The following NRCAM variants were observed in gnomAD, a reference collection of about 807,000 sequenced individuals.
The protein encoded by NRCAM is NgCAM-related cell adhesion molecule.
In NRCAM, 83 loss-of-function variants were observed where a neutral mutation model predicts 156.5. That is an observed-to-expected ratio of 0.53 (90% CI 0.44 to 0.64). NRCAM has a LOEUF of 0.64. Among genes scored for constraint, NRCAM ranks in the 30% least tolerant of loss-of-function variants. The pLI is 0.00. For synonymous variants in NRCAM, 538 were observed against 563.9 expected, an observed-to-expected ratio of 0.95 and a Z score of 0.65; for missense variants, 1,417 against 1,597.3, an observed-to-expected ratio of 0.89 and a Z score of 1.92.
chr7:108,404,191 C>T (rs530084524), intron 1 of NRCAM, among the ~76,000 whole-genome samples: 3 of 152,274 alleles, frequency 2.0e-5, no homozygotes, highest in South Asian at 4.2e-4. Context: ...TAAAAAAGCA[C>T]GAGTGAATGT....
chr7:108,180,162 G>A lies in NRCAM; in HGVS notation c.2851+61C>T, dbSNP rs530442828. On this transcript the variant is annotated intron_variant, in intron 25 of 32. Transcript: ENST00000379028. ...CTTTGATCAGTAGCCCTTCTGTCAG[G>A]CAAAACCTCTCAGGCCATGCCATAT... 8.0e-6 allele frequency: 12 copies of A among 1,492,154 alleles called. No individual in the cohort carries two copies. The South Asian group carries it at 1.3e-4, about 16-fold the overall frequency. The allele number at this position is 1,492,154 out of a possible 1,614,324, so 92.4% of individuals were successfully genotyped here. A position where few individuals can be genotyped will look rare whatever the true frequency, so the allele number is the denominator to read the frequency against.
In NRCAM at chr7:108,432,132, G is replaced by A. The variant is rs757074164; in HGVS notation, c.-332+24111C>T. Among the ~76,000 whole-genome samples the A allele has an allele frequency of 7.3e-4, 111 of 152,260 alleles. 1 individual carries two copies. Among genetic ancestry groups the A allele is most frequent in the Non-Finnish European group, 2.2e-4 (15 of 68,032 alleles). ...ATTTGTTTGGATCACTGTTTTGCAT[G>A]GATTGTCCTTACAGAATGTTTACCG... is the stretch of plus-strand genomic sequence containing the variant. On this transcript the variant is annotated intron_variant, in intron 1 of 32. Coordinates refer to ENST00000379028, the MANE Select transcript of NRCAM (RefSeq NM_001037132.4).
intron 11 of NRCAM, among the ~76,000 whole-genome samples, chr7:108,209,815 A>G (rs1588344723): frequency 6.6e-6 from 1 of 152,230 alleles, no homozygotes; most frequent in Non-Finnish European, 1.5e-5. Flanking sequence ...ATGGCACACC[A>G]TAAACTTCGA....
chr7:108,244,865 A>G lies in NRCAM; in HGVS notation c.-106-4695T>C, dbSNP rs139808173. On this transcript the variant is annotated intron_variant, in intron 3 of 32. Transcript: ENST00000379028. ...GATAATGGAACAACATCCTGATAAT[A>G]GCTCAAAATCTCTACTCCTCAGAGC... Among the ~76,000 whole-genome samples the G allele has an allele frequency of 9.8e-3, 1,499 of 152,308 alleles. 29 individuals carry two copies. The highest frequency in any genetic ancestry group is 0.034 in the African/African-American group (1,400 of 41,538).
intron 8 of NRCAM, among the ~76,000 whole-genome samples, chr7:108,228,490 AT>A (rs1266784709): frequency 6.6e-6 from 1 of 152,232 alleles, no homozygotes; most frequent in Non-Finnish European, 1.5e-5. Flanking sequence ...GGGTGGTGGC[AT>A]TTTGCATTGC....
intron 2 of NRCAM, among the ~76,000 whole-genome samples, chr7:108,354,498 C>CAG (rs1414433098): frequency 6.6e-5 from 10 of 152,144 alleles, no homozygotes; most frequent in Admixed American, 4.6e-4. Context: ...CATAAATATT[C>CAG]AGACATTATG....
At chr7:108,314,469 A>G (rs1382738758) in intron 2 of NRCAM, among the ~76,000 whole-genome samples, 2 of 152,216 alleles carry the variant, frequency 1.3e-5, no homozygotes, top group African/African-American at 4.8e-5. Context: ...CTAAGTCAAA[A>G]GGTCAAGATA....
At chr7:108,408,104 T>C (rs1596795529) in intron 1 of NRCAM, among the ~76,000 whole-genome samples, 1 of 152,218 alleles carries the variant, frequency 6.6e-6, no homozygotes, top group African/African-American at 2.4e-5. Context: ...ACAGATTTGT[T>C]TTCTTTTTTT....
chr7:108,216,899 C>T (rs1161319689), intron 11 of NRCAM, among the ~76,000 whole-genome samples: 2 of 152,188 alleles, frequency 1.3e-5, no homozygotes, highest in African/African-American at 4.8e-5. Context: ...TACCCACCTT[C>T]TGAAGCCCAC....
intron 1 of NRCAM, among the ~76,000 whole-genome samples, chr7:108,454,890 G>A (rs1215039807): frequency 2.6e-5 from 4 of 152,218 alleles, no homozygotes; most frequent in Admixed American, 1.3e-4. Context: ...TTTCTTCTCA[G>A]GACAGTTCTG....
Position 108,194,016 on chromosome 7 carries a change from T to C in NRCAM, c.1778+8A>G. The C allele has an allele frequency of 6.2e-7, 1 of 1,612,382 alleles. No homozygotes were observed. The highest frequency in any genetic ancestry group is 1.3e-5 in the African/African-American group (1 of 75,014). ...TGAAGAGAAAGTAAAGAAATCGTCT[T>C]CAAATACCTTTCATCACTGGGCAGT... On this transcript the variant is annotated splice_region_variant and intron_variant, in intron 17 of 32. Transcript: ENST00000379028.
chr7:108,292,082 C>T (rs1469672723), intron 3 of NRCAM, among the ~76,000 whole-genome samples: 2 of 152,194 alleles, frequency 1.3e-5, no homozygotes, highest in Non-Finnish European at 2.9e-5. Context: ...TTGCAGATCA[C>T]TTCATTTTTC....
chr7:108,148,899 C>A lies in NRCAM; in HGVS notation c.*1011G>T, dbSNP rs953269004. On this transcript the variant is annotated 3_prime_UTR_variant, in exon 33 of 33. Coordinates refer to ENST00000379028, the MANE Select transcript of NRCAM (RefSeq NM_001037132.4). ...TTATGCTTATGAGGAAATGCTATTT[C>A]TAATAAACTGTCTTATTTTTATTTT... The A allele has an allele frequency of 6.6e-6, 1 of 152,630 alleles. No homozygotes were observed. The allele number at this position is 152,630 out of a possible 1,614,324, so 9.5% of individuals were successfully genotyped here.
At chr7:108,189,801 C>T (rs2069921347) in intron 19 of NRCAM, 55 bp from the exon 20 acceptor site, 2 of 730,272 alleles carry the variant, frequency 2.7e-6, no homozygotes, top group African/African-American at 3.6e-5. Context: ...AAGAGGCTCT[C>T]CTTTACTCGT....
intron 11 of NRCAM, among the ~76,000 whole-genome samples, chr7:108,222,916 T>C (rs377230853): frequency 2.0e-5 from 3 of 152,196 alleles, no homozygotes; most frequent in African/African-American, 7.2e-5. Flanking sequence ...GCTTTTGTAT[T>C]TGGGCAAGGC....
At chr7:108,245,674 G>T (rs961023633) in intron 3 of NRCAM, among the ~76,000 whole-genome samples, 3 of 152,284 alleles carry the variant, frequency 2.0e-5, no homozygotes, top group African/African-American at 7.2e-5. Flanking sequence ...TCCAGAGAGA[G>T]TTCAGGCATA....
chr7:108,202,527 C>T (rs2078716993), intron 13 of NRCAM, among the ~76,000 whole-genome samples: 1 of 152,148 alleles, frequency 6.6e-6, no homozygotes, highest in South Asian at 2.1e-4. Flanking sequence ...TAAACATTTC[C>T]TGGAACGTGA....
chr7:108,205,102 C>T (rs935706467), intron 13 of NRCAM, among the ~76,000 whole-genome samples: 5 of 152,092 alleles, frequency 3.3e-5, no homozygotes. Context: ...AACCTAACTC[C>T]AAGGTTAAGA....
At chr7:108,277,651 G>T (rs1287311137) in intron 3 of NRCAM, among the ~76,000 whole-genome samples, 1 of 151,910 alleles carries the variant, frequency 6.6e-6, no homozygotes, top group African/African-American at 2.4e-5. Context: ...CTTTTTTCAA[G>T]GTTTTTACCT....
Sources: gnomAD v4.1 joint callset for allele counts (sites outside exome capture counted in the v4.1 genomes callset) on GRCh38, gnomAD v4.1.1 for gene constraint, MANE v1.5 for transcripts, NCBI Gene and HGNC (gene_info 2026-07-23, HGNC 2026-07-21) for gene names.